CIBAR1: variants seen among roughly 807,000 people sequenced by gnomAD.
The protein encoded by CIBAR1 is CBY1-interacting BAR domain-containing protein 1.
Under a neutral mutation model 44.0 loss-of-function variants are expected in CIBAR1, and 25 were observed. The observed-to-expected ratio is 0.57, with a 90% CI of 0.41 to 0.79. The LOEUF is 0.79. Among genes scored for constraint, CIBAR1 ranks in the 30% least tolerant of loss-of-function variants. CIBAR1 has a pLI of 0.00. For synonymous variants in CIBAR1, 115 were observed against 119.0 expected, an observed-to-expected ratio of 0.97 and a Z score of 0.22; for missense variants, 278 against 344.8, an observed-to-expected ratio of 0.81 and a Z score of 1.53.
chr8:93,715,055 T>G (rs921650930), intron 6 of CIBAR1, among the ~76,000 whole-genome samples: 4 of 152,220 alleles, frequency 2.6e-5, no homozygotes, highest in Non-Finnish European at 5.9e-5. Context: ...TTACTGTGTT[T>G]GAGGTGAGTT....
At chr8:93,700,860 C>G (rs1810313087) in intron 1 of CIBAR1, 187 bp downstream of exon 1, 1 of 1,309,662 alleles carries the variant, frequency 7.6e-7, no homozygotes, top group Admixed American at 4.0e-5. Context: ...AAGAGGAGCC[C>G]GGGGCCCGGC....
At position 93,730,714 on chromosome 8, in the gene CIBAR1, C is replaced by A. The variant is rs201150927; in HGVS notation, c.*2417C>A. Reference sequence around the variant, plus strand: ...TGGCCAATTTGTTATTGACATATCACTAAAGGCAGAGTTGGAGAGAGATGT... The same window carrying A: ...TGGCCAATTTGTTATTGACATATCAATAAAGGCAGAGTTGGAGAGAGATGT... On this transcript the variant is annotated 3_prime_UTR_variant, in exon 9 of 9. Coordinates refer to ENST00000518322, the MANE Select transcript of CIBAR1 (RefSeq NM_145269.5). The A allele has an allele frequency of 1.3e-5, 2 of 151,848 alleles. No homozygotes were observed. Among genetic ancestry groups the A allele is most frequent in the Admixed American group, 1.3e-4 (2 of 15,236 alleles). The allele number at this position is 151,848 out of a possible 1,614,324, so 9.4% of individuals were successfully genotyped here. A position where few individuals can be genotyped will look rare whatever the true frequency, so the allele number is the denominator to read the frequency against.
intron 7 of CIBAR1, among the ~76,000 whole-genome samples, chr8:93,722,178 G>A (rs1432169382): frequency 6.6e-6 from 1 of 152,190 alleles, no homozygotes; most frequent in Non-Finnish European, 1.5e-5. Context: ...ACTAATTGAT[G>A]TAACTGATAT....
chr8:93,723,826 A>C (rs1272625286), intron 7 of CIBAR1, among the ~76,000 whole-genome samples: 1 of 152,180 alleles, frequency 6.6e-6, no homozygotes, highest in East Asian at 1.9e-4. Flanking sequence ...TTGAAGGACA[A>C]GTAATTCTTG....
chr8:93,714,751 T>G (rs1457766005), intron 6 of CIBAR1, among the ~76,000 whole-genome samples: 1 of 152,116 alleles, frequency 6.6e-6, no homozygotes, highest in African/African-American at 2.4e-5. Flanking sequence ...CCCCAGGTGC[T>G]GGGATTACAG....
rs969687268 is a variant in CIBAR1, at chr8:93,730,809, T to C, written c.*2512T>C. ...CTTTTTATAATGAAGTTTAAAAATA[T>C]TAAGCCCTGATACATTATAGGGTAA... On this transcript the variant is annotated 3_prime_UTR_variant, in exon 9 of 9. Transcript: ENST00000518322. The C allele has an allele frequency of 2.6e-5, 4 of 152,194 alleles. No individual in the cohort carries two copies. Among genetic ancestry groups the C allele is most frequent in the African/African-American group, 9.7e-5 (4 of 41,442 alleles). The allele number at this position is 152,194 out of a possible 1,614,324, so 9.4% of individuals were successfully genotyped here. A position where few individuals can be genotyped will look rare whatever the true frequency, so the allele number is the denominator to read the frequency against.
chr8:93,706,950 T>C (rs1304218871), intron 4 of CIBAR1, among the ~76,000 whole-genome samples: 1 of 152,042 alleles, frequency 6.6e-6, no homozygotes, highest in African/African-American at 2.4e-5. Context: ...TAAAATGGAG[T>C]CCCTCTGATA....
In CIBAR1 at chr8:93,701,443, T is replaced by C. The variant is rs1341502760; in HGVS notation, c.246T>C (p.Asp82=). The C allele has an allele frequency of 6.2e-7, 1 of 1,613,294 alleles. No homozygotes were observed. Among genetic ancestry groups the C allele is most frequent in the South Asian group, 1.1e-5 (1 of 90,900 alleles). ...CAGATGAGTTTGCCAAACTTCAGGA[T>C]TATCGACAAGCAGAGGTATGGAGTG... ...NFADEFAKLQ[D]YRQAEVERLE... Residue 82 remains aspartate (D), a synonymous_variant, in exon 2 of 9, where the codon GAT becomes GAC. Transcript: ENST00000518322.
intron 7 of CIBAR1, among the ~76,000 whole-genome samples, chr8:93,723,313 A>G (rs1038276216): frequency 3.9e-5 from 6 of 152,148 alleles, no homozygotes; most frequent in Non-Finnish European, 8.8e-5. Context: ...TTGCATTTTT[A>G]TGTCATACCA....
intron 7 of CIBAR1, among the ~76,000 whole-genome samples, chr8:93,725,064 C>T (rs942846792): frequency 1.3e-5 from 2 of 152,120 alleles, no homozygotes; most frequent in Non-Finnish European, 2.9e-5. Context: ...CTCACTGCAA[C>T]CTCTGCCTCC....
intron 7 of CIBAR1, among the ~76,000 whole-genome samples, chr8:93,722,026 G>A (rs1198737540): frequency 6.6e-6 from 1 of 152,110 alleles, no homozygotes; most frequent in East Asian, 1.9e-4. Context: ...TGAGAATCAT[G>A]GCATGTCATG....
chr8:93,711,048 T>A (rs2130319498), intron 6 of CIBAR1, among the ~76,000 whole-genome samples: 1 of 152,330 alleles, frequency 6.6e-6, no homozygotes, highest in African/African-American at 2.4e-5. Flanking sequence ...TTGCATCTAC[T>A]ATGATATGGT....
intron 7 of CIBAR1, among the ~76,000 whole-genome samples, chr8:93,723,452 C>T (rs774540710): frequency 9.2e-5 from 14 of 152,068 alleles, no homozygotes; most frequent in Non-Finnish European, 1.5e-4. Flanking sequence ...TGACTCCTTC[C>T]GTGTCCTGAA....
chr8:93,701,167 T>G, intron 1 of CIBAR1, 57 bp from the exon 2 acceptor site: 1 of 1,561,946 alleles, frequency 6.4e-7, no homozygotes, highest in Non-Finnish European at 8.7e-7. Context: ...TAAATTAACG[T>G]GAAGCCTTCT....
Position 93,712,237 on chromosome 8 carries a change from C to T in CIBAR1, c.543+2362C>T, listed in dbSNP as rs1810854714. On this transcript the variant is annotated intron_variant, in intron 6 of 8. Coordinates refer to ENST00000518322, the MANE Select transcript of CIBAR1 (RefSeq NM_145269.5). ...TTTTGCCCCCCTGCCTGCCTCCCAA[C>T]CCTAAGCAGCCACCACTAATTTATG... 2.0e-5 allele frequency among the ~76,000 whole-genome samples: 3 copies of T among 152,330 alleles called. No homozygotes were observed. The South Asian group carries it at 6.2e-4, about 32-fold the overall frequency.
At chr8:93,713,103 G>C (rs990480420) in intron 6 of CIBAR1, among the ~76,000 whole-genome samples, 1 of 148,652 alleles carries the variant, frequency 6.7e-6, no homozygotes, top group Non-Finnish European at 1.5e-5. Flanking sequence ...CGCGATCTCG[G>C]CTCACTGCAA....
chr8:93,715,513 T>C (rs1056474599), intron 6 of CIBAR1: 3 of 152,210 alleles, frequency 2.0e-5, no homozygotes, highest in African/African-American at 7.2e-5. Flanking sequence ...TATGCATATA[T>C]ACAGAGACAT....
Position 93,701,250 on chromosome 8 carries a change from C to T in CIBAR1, c.53C>T (p.Thr18Ile). 1 of 1,613,486 alleles carries T rather than the reference C, an allele frequency of 6.2e-7. No homozygotes were observed. The highest frequency in any genetic ancestry group is 8.5e-7 in the Non-Finnish European group (1 of 1,179,708). Reference protein sequence around the residue: ...NRNAQTKQLQTAVSNVEKHFG... With the variant: ...NRNAQTKQLQIAVSNVEKHFG... The stretch of plus-strand genomic sequence containing the variant: ...AACGCTCAAACGAAACAACTGCAAA[C>T]AGCTGTCTCAAATGTGGAGAAGCAT... The change falls in exon 2 of 9, where the codon ACA (threonine) becomes ATA (isoleucine). Residue 18 changes from threonine (T) to isoleucine (I), a missense_variant. Physicochemically the swap from Thr to Ile is moderately conservative, Grantham distance 89 (BLOSUM62 -1). Around this residue, in one of 3 missense-constraint regions of CIBAR1, gnomAD observed 183 missense variants for 218.6 expected, o/e 0.84. Coordinates refer to ENST00000518322, the MANE Select transcript of CIBAR1 (RefSeq NM_145269.5).
intron 7 of CIBAR1, among the ~76,000 whole-genome samples, chr8:93,722,074 G>A (rs1586287925): frequency 6.6e-6 from 1 of 152,272 alleles, no homozygotes; most frequent in African/African-American, 2.4e-5. Context: ...TATAGGGCAC[G>A]AGCACGTGTT....
Sources: gnomAD v4.1 joint callset for allele counts (sites outside exome capture counted in the v4.1 genomes callset) on GRCh38, gnomAD v4.1.1 for gene constraint, gnomAD v4.1.1 regional missense constraint, MANE v1.5 for transcripts, NCBI Gene and HGNC (gene_info 2026-07-23, HGNC 2026-07-21) for gene names.